Variants in CDAN1 observed in about 807,000 individuals in gnomAD.
CDAN1 encodes codanin 1.
Under a neutral mutation model 139.8 loss-of-function variants are expected in CDAN1, and 107 were observed. That is an observed-to-expected ratio of 0.77 (90% confidence interval 0.65 to 0.90). The LOEUF is 0.90. CDAN1 is among the 40% of genes least tolerant of loss of function. CDAN1 has a pLI of 0.00. For missense variants in CDAN1, 1,667 were observed against 1,575.7 expected, an observed-to-expected ratio of 1.06 and a Z score of -0.98; for synonymous variants, 776 against 660.6, an observed-to-expected ratio of 1.17 and a Z score of -2.68.
At chr15:42,729,921 G>GACGGGCCCCCCCCCCCCCCCCCCCCCCC in intron 15 of CDAN1, 36 bp from the exon 16 acceptor site, 1 of 1,540,864 alleles carries the variant, frequency 6.5e-7, no homozygotes, top group Non-Finnish European at 8.9e-7. Context: ...CAACTTCAGA[G>GACGGGCCCCCCCCCCCCCCCCCCCCCCC]ACCCCCACCC....
At position 42,730,913 on chromosome 15, in the gene CDAN1, C is replaced by A; in HGVS notation, c.2007+12G>T. ...CCTGCTCCCTCCTCACCAGAATCCC[C>A]CGCCCATTCACCTGGCTCCTGAGGG... On this transcript the variant is annotated intron_variant, in intron 13 of 27. Coordinates refer to ENST00000356231, the MANE Select transcript of CDAN1 (RefSeq NM_138477.4). 1 of 1,614,188 alleles carries A rather than the reference C, an allele frequency of 6.2e-7. No individual in the cohort carries two copies. The highest frequency in any genetic ancestry group is 1.1e-5 in the South Asian group (1 of 91,074).
At position 42,724,268 on chromosome 15, in the gene CDAN1, C is replaced by G. The variant is rs568387944; in HGVS notation, c.*223G>C. The G allele has an allele frequency of 3.9e-4, 218 of 565,316 alleles. No homozygotes were observed. Among genetic ancestry groups the G allele is most frequent in the Non-Finnish European group, 5.2e-4 (163 of 314,058 alleles). The allele number at this position is 565,316 out of a possible 1,614,324, so 35.0% of individuals were successfully genotyped here. On this transcript the variant is annotated 3_prime_UTR_variant, in exon 28 of 28. Coordinates refer to ENST00000356231, the MANE Select transcript of CDAN1 (RefSeq NM_138477.4). ...ACCACCTCTTCTACTCCAGGACTGGCATCTCTGGACTTTTCTGCCATAATC... is the reference window on the plus strand; with the variant it reads ...ACCACCTCTTCTACTCCAGGACTGGGATCTCTGGACTTTTCTGCCATAATC...
Position 42,729,604 on chromosome 15 carries a change from C to T in CDAN1, c.2371G>A (p.Asp791Asn). 1 of 1,614,080 alleles carries T rather than the reference C, an allele frequency of 6.2e-7. No individual in the cohort carries two copies. The highest frequency in any genetic ancestry group is 1.1e-5 in the South Asian group (1 of 91,048). Residue 791 changes from aspartate to asparagine, a missense_variant, in exon 17 of 28, where the codon GAC (aspartate) becomes AAC (asparagine). By Grantham distance (23) the Asp-to-Asn change is conservative (BLOSUM62 1). Coordinates refer to ENST00000356231, the MANE Select transcript of CDAN1 (RefSeq NM_138477.4). ...EHGLDNAPVV[D>N]QQLLYTCCPY... ...CAGCAGGTGTAGAGCAGCTGCTGGT[C>T]CACCACAGGCGCATTGTCCTGGGGA...
intron 14 of CDAN1, 110 bp downstream of exon 14, chr15:42,730,488 G>C (rs2061594807): frequency 7.7e-7 from 1 of 1,306,690 alleles, no homozygotes; most frequent in African/African-American, 1.5e-5. Context: ...GTTATGGCCA[G>C]GGCCCCACAC....
At chr15:42,730,889 C>G (rs765177254) in intron 13 of CDAN1, 36 bp downstream of exon 13, 3 of 1,613,982 alleles carry the variant, frequency 1.9e-6, no homozygotes, top group African/African-American at 2.7e-5. Flanking sequence ...CCGGTCCTCC[C>G]TGCTCCCTCC....
intron 6 of CDAN1, 134 bp from the exon 7 acceptor site, chr15:42,734,480 G>A: frequency 9.3e-7 from 1 of 1,080,212 alleles, no homozygotes; most frequent in Non-Finnish European, 1.4e-6. Context: ...CAAGGTCATG[G>A]GCCAAGGATC....
chr15:42,729,313 C>G lies in CDAN1; in HGVS notation c.2457G>C (p.Arg819=). Reference sequence around the variant, plus strand: ...TGATTTTCCTCATGAAGCCCCCACTCCGTCCACTACTGCCTGACACCCACG... The same window carrying G: ...TGATTTTCCTCATGAAGCCCCCACTGCGTCCACTACTGCCTGACACCCACG... ...LASWVSGSSG[R]SGGFMRKITP... The change falls in exon 18 of 28, where the codon CGG becomes CGC. Residue 819 remains arginine (R), a synonymous_variant. Coordinates refer to ENST00000356231, the MANE Select transcript of CDAN1 (RefSeq NM_138477.4). The G allele has an allele frequency of 6.2e-7, 1 of 1,614,130 alleles. No individual in the cohort carries two copies. The highest frequency in any genetic ancestry group is 8.5e-7 in the Non-Finnish European group (1 of 1,180,010).
chr15:42,726,035 G>A (rs923285215), intron 25 of CDAN1, 62 bp downstream of exon 25: 3 of 809,388 alleles, frequency 3.7e-6, no homozygotes, highest in Admixed American at 1.9e-5. Flanking sequence ...AATCTTGCTT[G>A]TACCCAACCC....
At position 42,724,350 on chromosome 15, in the gene CDAN1, G is replaced by C; in HGVS notation, c.*141C>G. On this transcript the variant is annotated 3_prime_UTR_variant, in exon 28 of 28. Transcript: ENST00000356231. ...TTCGCGTGGTGGGATGCCAGGCAGT[G>C]ACACCCTTAGAGCAGGAAGTCTGAC... The C allele has an allele frequency of 8.7e-7, 1 of 1,146,356 alleles. No individual in the cohort carries two copies. Among genetic ancestry groups the C allele is most frequent in the Non-Finnish European group, 1.3e-6 (1 of 797,418 alleles). 71.0% of individuals were successfully genotyped at this position (1,146,356 alleles called of 1,614,324 possible). A position where few individuals can be genotyped will look rare whatever the true frequency, so the allele number is the denominator to read the frequency against.
At chr15:42,731,453 AAAT>A in intron 11 of CDAN1, 122 bp from the exon 12 acceptor site, 1 of 1,478,182 alleles carries the variant, frequency 6.8e-7, no homozygotes, top group Non-Finnish European at 9.4e-7. Flanking sequence ...AGGAGCAATG[AAAT>A]CACCCACGTG....
At chr15:42,732,223 C>T in intron 10 of CDAN1, 110 bp downstream of exon 10, 5 of 1,066,134 alleles carry the variant, frequency 4.7e-6, no homozygotes. Context: ...TGTTCAAATT[C>T]CAGCCCAGGA....
Position 42,727,697 on chromosome 15 carries a change from C to G in CDAN1, c.3020G>C (p.Arg1007Pro), listed in dbSNP as rs748959489. 2.7e-5 allele frequency: 43 copies of G among 1,584,740 alleles called. No individual in the cohort carries two copies. Among genetic ancestry groups the G allele is most frequent in the East Asian group, 4.5e-5 (2 of 44,346 alleles). Residue 1007 changes from arginine (R) to proline (P), a missense_variant, in exon 23 of 28, where the codon CGG (arginine) becomes CCG (proline). Arg to Pro is a moderately radical substitution (Grantham distance 103, BLOSUM62 -2). Around this residue, in one of 3 missense-constraint regions of CDAN1, gnomAD observed 936 missense variants for 844.1 expected, o/e 1.11. Transcript: ENST00000356231. ...LRAQGPEPAA[R>P]GERRGCSRAC... ...GCGGGAGCAGCCCCTCCGCTCCCCCCGGGCAGCAGGTTCAGGACCCTGGGC... is the reference window on the plus strand; with the variant it reads ...GCGGGAGCAGCCCCTCCGCTCCCCCGGGGCAGCAGGTTCAGGACCCTGGGC...
chr15:42,724,296 A>T lies in CDAN1; in HGVS notation c.*195T>A. On this transcript the variant is annotated 3_prime_UTR_variant, in exon 28 of 28. Coordinates refer to ENST00000356231, the MANE Select transcript of CDAN1 (RefSeq NM_138477.4). ...CTCTGGACTTTTCTGCCATAATCCCAAATCAGGCCAACTCTCCTTCCTCTA... is the reference window on the plus strand; with the variant it reads ...CTCTGGACTTTTCTGCCATAATCCCTAATCAGGCCAACTCTCCTTCCTCTA... The T allele has an allele frequency of 1.5e-6, 1 of 684,076 alleles. No individual in the cohort carries two copies. Among genetic ancestry groups the T allele is most frequent in the South Asian group, 1.8e-5 (1 of 56,782 alleles). 42.4% of individuals were successfully genotyped at this position (684,076 alleles called of 1,614,324 possible).
chr15:42,725,050 C>T, intron 27 of CDAN1, 94 bp downstream of exon 27: 1 of 1,035,422 alleles, frequency 9.7e-7, no homozygotes. Context: ...GACAAAAATC[C>T]ACTTAGTTTG....
intron 6 of CDAN1, among the ~76,000 whole-genome samples, 180 bp downstream of exon 6, chr15:42,734,920 G>A (rs1218421783): frequency 6.6e-6 from 1 of 151,622 alleles, no homozygotes; most frequent in African/African-American, 2.4e-5. Context: ...CACCTGGCCC[G>A]ATCTCAATTC....
intron 6 of CDAN1, 108 bp from the exon 7 acceptor site, chr15:42,734,454 G>C (rs188693619): frequency 1.1e-5 from 15 of 1,350,084 alleles, no homozygotes; most frequent in Non-Finnish European, 1.6e-5. Context: ...AGGTATGCAA[G>C]CCCAGATATG....
intron 23 of CDAN1, chr15:42,726,747 C>G (rs186320573): frequency 5.1e-6 from 2 of 391,894 alleles, no homozygotes; most frequent in East Asian, 1.0e-4. Context: ...GTAAGGAAAC[C>G]GGCCTATCAG....
At position 42,735,276 on chromosome 15, in the gene CDAN1, T is replaced by G; in HGVS notation, c.1042A>C (p.Ser348Arg). The G allele has an allele frequency of 6.2e-7, 1 of 1,608,942 alleles. No homozygotes were observed. The highest frequency in any genetic ancestry group is 8.5e-7 in the Non-Finnish European group (1 of 1,177,328). Residue 348 changes from serine (S) to arginine (R), a missense_variant, in exon 5 of 28, where the codon AGT (serine) becomes CGT (arginine). By Grantham distance (110) the Ser-to-Arg change is moderately radical. This residue lies in a region of CDAN1 where 244 missense variants were observed against 309.4 expected (regional missense o/e 0.79). Coordinates refer to ENST00000356231, the MANE Select transcript of CDAN1 (RefSeq NM_138477.4). ...VTAKDSDPELSPAVLDSLESP... is the reference protein window; with the variant it reads ...VTAKDSDPELRPAVLDSLESP... ...GCTCACTGACCTAGGACAGCTGGAC[T>G]TAGTTCAGGGTCGCTGTCCTTGGCA...
chr15:42,726,621 G>A (rs1484328854), intron 23 of CDAN1: 6 of 596,342 alleles, frequency 1.0e-5, no homozygotes, highest in African/African-American at 7.4e-5. Flanking sequence ...ACAAAAGAGG[G>A]AACAGATGGA....
Sources: gnomAD v4.1 joint callset for allele counts (sites outside exome capture counted in the v4.1 genomes callset) on GRCh38, gnomAD v4.1.1 for gene constraint, gnomAD v4.1.1 regional missense constraint, MANE v1.5 for transcripts, NCBI Gene and HGNC (gene_info 2026-07-23, HGNC 2026-07-21) for gene names.